FBN2: variants seen among roughly 807,000 people sequenced by gnomAD.
FBN2 encodes the protein fibrillin 2.
FBN2 carries 105 observed loss-of-function variants against 355.6 expected under a neutral mutation model. The ratio of observed to expected loss-of-function variants is 0.30; its 90% CI spans 0.25 to 0.35. The LOEUF (loss-of-function observed/expected upper bound fraction) is 0.35. FBN2 is among the 10% of genes least tolerant of loss of function. The pLI is 1.00. For missense variants in FBN2, 3,280 were observed against 3,758.7 expected (o/e 0.87, Z 3.33); for synonymous variants, 1,350 against 1,301.2 (o/e 1.04, Z -0.81).
At chr5:128,364,169 C>T (rs1751708897) in intron 18 of FBN2, among the ~76,000 whole-genome samples, 1 of 151,824 alleles carries the variant, frequency 6.6e-6, no homozygotes, top group Non-Finnish European at 1.5e-5. Flanking sequence ...AAGGAAATAC[C>T]TTTGTCTTAG....
chr5:128,516,034 AAAG>A (rs1257299736), intron 5 of FBN2, among the ~76,000 whole-genome samples: 2 of 152,338 alleles, frequency 1.3e-5, no homozygotes, highest in East Asian at 3.9e-4. Flanking sequence ...AAAAAAGTTG[AAAG>A]AAGGACTCTA....
chr5:128,361,879 C>G (rs1751648585), intron 18 of FBN2, 31 bp from the exon 19 acceptor site: 1 of 1,609,710 alleles, frequency 6.2e-7, no homozygotes, highest in African/African-American at 1.3e-5. Context: ...ATAGGAGATA[C>G]ACATATTTAA....
chr5:128,382,390 C>T (rs990217076), intron 11 of FBN2, among the ~76,000 whole-genome samples: 9 of 152,022 alleles, frequency 5.9e-5, no homozygotes, highest in Non-Finnish European at 1.3e-4. Flanking sequence ...TAAGGGCCTT[C>T]GATGTGTCTG....
At chr5:128,472,773 A>G (rs1312427686) in intron 5 of FBN2, among the ~76,000 whole-genome samples, 2 of 150,534 alleles carry the variant, frequency 1.3e-5, no homozygotes, top group African/African-American at 5.0e-5. Flanking sequence ...CCTGGGCAAC[A>G]AGAGCAAAAC....
intron 4 of FBN2, 65 bp from the exon 5 acceptor site, chr5:128,519,433 G>C: frequency 8.7e-7 from 1 of 1,151,348 alleles, no homozygotes; most frequent in South Asian, 1.2e-5. Flanking sequence ...TAGTAGTGCA[G>C]TGATGCTGCC....
intron 8 of FBN2, among the ~76,000 whole-genome samples, chr5:128,398,453 C>T (rs969759549): frequency 4.0e-5 from 6 of 150,918 alleles, no homozygotes; most frequent in African/African-American, 1.5e-4. Flanking sequence ...GGGGAAAAGG[C>T]CCATAAACAA....
chr5:128,347,416 G>A (rs186993056), intron 23 of FBN2, among the ~76,000 whole-genome samples: 2 of 152,282 alleles, frequency 1.3e-5, no homozygotes, highest in East Asian at 3.9e-4. Flanking sequence ...GCCTATCAAT[G>A]CTGCGATTGT....
intron 11 of FBN2, among the ~76,000 whole-genome samples, chr5:128,386,548 C>G (rs552460458): frequency 6.6e-6 from 1 of 151,988 alleles, no homozygotes; most frequent in Admixed American, 6.6e-5. Context: ...AGGTTTTTTT[C>G]TAATTCTGTA....
Position 128,259,302 on chromosome 5 carries a change from C to T in FBN2, c.*153G>A, listed in dbSNP as rs1764897090. 5 of 1,003,932 alleles carry T rather than the reference C, an allele frequency of 5.0e-6. No individual in the cohort carries two copies. The highest frequency in any genetic ancestry group is 6.2e-6 in the Non-Finnish European group (4 of 645,020). 62.2% of individuals were successfully genotyped at this position (1,003,932 alleles called of 1,614,324 possible). A position where few individuals can be genotyped will look rare whatever the true frequency, so the allele number is the denominator to read the frequency against. ...CCATACCAGAGTCTAAATTATCCCT[C>T]CCTGTGAGGGTCAACATTCAAAGTC... On this transcript the variant is annotated 3_prime_UTR_variant, in exon 65 of 65. Coordinates refer to ENST00000262464, the MANE Select transcript of FBN2 (RefSeq NM_001999.4).
chr5:128,425,228 G>A (rs539657493), intron 7 of FBN2, among the ~76,000 whole-genome samples: 1 of 151,882 alleles, frequency 6.6e-6, no homozygotes, highest in East Asian at 1.9e-4. Flanking sequence ...AGCTTTACAG[G>A]GGAATATTTT....
chr5:128,280,820 G>A (rs1765519026), intron 55 of FBN2, among the ~76,000 whole-genome samples: 1 of 152,168 alleles, frequency 6.6e-6, no homozygotes, highest in Admixed American at 6.6e-5. Context: ...TAGTTAATGG[G>A]AGAGGCAGTT....
intron 39 of FBN2, 84 bp from the exon 40 acceptor site, chr5:128,310,192 G>A (rs1749995334): frequency 2.5e-6 from 3 of 1,198,136 alleles, no homozygotes; most frequent in Non-Finnish European, 2.4e-6. Flanking sequence ...ACAAAGCATA[G>A]GTGATTCTCT....
chr5:128,423,399 T>C (rs1261909444), intron 7 of FBN2, among the ~76,000 whole-genome samples: 1 of 152,110 alleles, frequency 6.6e-6, no homozygotes. Context: ...TCTTACATGG[T>C]AGCAGGCAAG....
chr5:128,263,211 C>G (rs1765020983), intron 63 of FBN2, among the ~76,000 whole-genome samples: 1 of 152,216 alleles, frequency 6.6e-6, no homozygotes, highest in Non-Finnish European at 1.5e-5. Context: ...CATACAAGTT[C>G]AAGTTTTATG....
At chr5:128,320,105 G>T (rs1045894969) in intron 34 of FBN2, among the ~76,000 whole-genome samples, 4 of 152,232 alleles carry the variant, frequency 2.6e-5, no homozygotes, top group South Asian at 2.1e-4. Context: ...TGTGTTGGGG[G>T]TAAGAAAGTT....
chr5:128,446,531 C>T lies in FBN2; in HGVS notation c.902G>A (p.Cys301Tyr). The change falls in exon 7 of 65, where the codon TGC becomes TAC. Residue 301 changes from cysteine to tyrosine, a missense_variant. By Grantham distance (194) the Cys-to-Tyr change is radical. Coordinates refer to ENST00000262464, the MANE Select transcript of FBN2 (RefSeq NM_001999.4). ...CTGTTTGTGACCAGCAGGGCATCTG[C>T]ATTCAAAAGAGCCCACTGTATTGAT... is the stretch of plus-strand genomic sequence containing the variant. ...NCINTVGSFECRCPAGHKQSE... is the reference protein window; with the variant it reads ...NCINTVGSFEYRCPAGHKQSE... 2 of 1,613,958 alleles carry T rather than the reference C, an allele frequency of 1.2e-6. No individual in the cohort carries two copies. The highest frequency in any genetic ancestry group is 1.3e-5 in the African/African-American group (1 of 75,058).
chr5:128,321,314 AC>A (rs1413391433), intron 34 of FBN2, among the ~76,000 whole-genome samples: 1 of 152,170 alleles, frequency 6.6e-6, no homozygotes, highest in African/African-American at 2.4e-5. Flanking sequence ...TAAAAATTAT[AC>A]TTAAGTTCTG....
chr5:128,310,745 C>A (rs1451109577), intron 39 of FBN2, among the ~76,000 whole-genome samples: 1 of 152,126 alleles, frequency 6.6e-6, no homozygotes, highest in Non-Finnish European at 1.5e-5. Flanking sequence ...TGAGATTCTA[C>A]TGTAAGCTAG....
chr5:128,447,971 A>C (rs954392218), intron 6 of FBN2, among the ~76,000 whole-genome samples: 3 of 152,230 alleles, frequency 2.0e-5, no homozygotes, highest in Non-Finnish European at 4.4e-5. Context: ...TTGGCTGCAG[A>C]ACACTTAATG....
Sources: allele counts gnomAD v4.1 joint callset (sites outside exome capture counted in the v4.1 genomes callset), GRCh38; gene constraint gnomAD v4.1.1; transcripts MANE v1.5; gene names NCBI Gene and HGNC (gene_info 2026-07-23, HGNC 2026-07-21).